CNOT4: variants seen among roughly 807,000 people sequenced by gnomAD.
CNOT4 encodes CCR4-associated factor 4.
A neutral mutation model predicts 73.8 loss-of-function variants in CNOT4; 8 were observed. That is an observed-to-expected ratio of 0.11 (90% CI 0.06 to 0.20). The LOEUF is 0.20. Ranked by LOEUF, CNOT4 falls within the 10% of genes least tolerant of loss-of-function variation. CNOT4 has a pLI of 1.00. For synonymous variants in CNOT4, 293 were observed against 321.1 expected (o/e 0.91, Z 0.94); for missense variants, 564 against 883.4 (o/e 0.64, Z 4.58).
chr7:135,489,972 A>C (rs1017155396), intron 1 of CNOT4, among the ~76,000 whole-genome samples: 2 of 152,236 alleles, frequency 1.3e-5, no homozygotes, highest in African/African-American at 4.8e-5. Flanking sequence ...AAAGAATGTA[A>C]ACAGATAAAA....
rs971690810 is a variant in CNOT4 at position 135,509,965 on chromosome 7, G to A, written c.-169C>T. 5.0e-6 allele frequency: 2 copies of A among 399,110 alleles called. No individual in the cohort carries two copies. Among genetic ancestry groups the A allele is most frequent in the Non-Finnish European group, 8.8e-6 (2 of 226,258 alleles). 24.7% of individuals were successfully genotyped at this position (399,110 alleles called of 1,614,324 possible). A position where few individuals can be genotyped will look rare whatever the true frequency, so the allele number is the denominator to read the frequency against. On this transcript the variant is annotated 5_prime_UTR_variant, in exon 1 of 12. The change creates a new upstream start codon in the 5' untranslated region. Coordinates refer to ENST00000541284, the MANE Select transcript of CNOT4 (RefSeq NM_001190850.2). ...CCTCACAAGAAACCACCGAACGAGC[G>A]TCGGGGAAAAAACTCTTCAGAACCG...
intron 8 of CNOT4, among the ~76,000 whole-genome samples, chr7:135,397,408 A>G (rs1796753612): frequency 6.6e-6 from 1 of 152,200 alleles, no homozygotes; most frequent in Non-Finnish European, 1.5e-5. Flanking sequence ...GGCAACTAAA[A>G]TACACAAGGG....
At chr7:135,374,029 A>G (rs969461220) in intron 10 of CNOT4, among the ~76,000 whole-genome samples, 11 of 152,224 alleles carry the variant, frequency 7.2e-5, no homozygotes, top group Admixed American at 6.5e-4. Context: ...TTTTGACTAG[A>G]ACTCAGCTTG....
intron 1 of CNOT4, among the ~76,000 whole-genome samples, chr7:135,474,975 T>C (rs1282837370): frequency 6.6e-6 from 1 of 152,150 alleles, no homozygotes; most frequent in Non-Finnish European, 1.5e-5. Context: ...TGTGCGCTGT[T>C]TCAACCTTGC....
At chr7:135,388,608 G>GT (rs751310165) in intron 10 of CNOT4, 35 of 1,208,050 alleles carry the variant, frequency 2.9e-5, no homozygotes, top group Non-Finnish European at 3.6e-5. Flanking sequence ...AATAAATTAT[G>GT]TTAAAGGCCT....
chr7:135,474,441 C>T (rs771593445), intron 1 of CNOT4, among the ~76,000 whole-genome samples: 1 of 151,884 alleles, frequency 6.6e-6, no homozygotes, highest in African/African-American at 2.4e-5. Flanking sequence ...GGTGCCACTA[C>T]ATCCAGCTTA....
chr7:135,401,849 G>C (rs887320051), intron 7 of CNOT4, among the ~76,000 whole-genome samples: 1 of 152,138 alleles, frequency 6.6e-6, no homozygotes, highest in Non-Finnish European at 1.5e-5. Context: ...CATGATCTGA[G>C]AGAAAGAGAA....
At chr7:135,384,680 T>G in intron 10 of CNOT4, 1 of 765,330 alleles carries the variant, frequency 1.3e-6, no homozygotes, top group Non-Finnish European at 2.4e-6. Flanking sequence ...TGAGCCTATC[T>G]TCTCTTCAGC....
chr7:135,433,945 C>A (rs1343576295), intron 2 of CNOT4, among the ~76,000 whole-genome samples: 1 of 152,188 alleles, frequency 6.6e-6, no homozygotes, highest in African/African-American at 2.4e-5. Context: ...ACTAAACTCT[C>A]TTGGTTTTTA....
At chr7:135,452,346 G>T (rs1800226882) in intron 1 of CNOT4, among the ~76,000 whole-genome samples, 1 of 152,128 alleles carries the variant, frequency 6.6e-6, no homozygotes, top group South Asian at 2.1e-4. Context: ...AAGGCAGGTG[G>T]ATCACCTGAG....
In CNOT4 at chr7:135,395,807, T is replaced by G; in HGVS notation, c.956A>C (p.Asn319Thr). The G allele has an allele frequency of 6.2e-7, 1 of 1,613,532 alleles. No individual in the cohort carries two copies. The highest frequency in any genetic ancestry group is 8.5e-7 in the Non-Finnish European group (1 of 1,179,452). ...SNPVIPISSSNHSARSPFEGA... is the reference protein window; with the variant it reads ...SNPVIPISSSTHSARSPFEGA... ...TTCAAAAGGGGACCGTGCACTGTGA[T>G]TGGATGAACTGATGGGGATGACTGG... Residue 319 changes from asparagine (N) to threonine (T), a missense_variant, in exon 9 of 12, where the codon AAT becomes ACT. Coordinates refer to ENST00000541284, the MANE Select transcript of CNOT4 (RefSeq NM_001190850.2).
At chr7:135,426,378 G>A (rs1019974951) in intron 2 of CNOT4, among the ~76,000 whole-genome samples, 5 of 152,012 alleles carry the variant, frequency 3.3e-5, no homozygotes, top group African/African-American at 4.8e-5. Context: ...CAAGGCGGGC[G>A]GACCACAAGG....
chr7:135,455,659 G>A (rs1800481081), intron 1 of CNOT4, among the ~76,000 whole-genome samples: 2 of 151,844 alleles, frequency 1.3e-5, no homozygotes, highest in Admixed American at 1.3e-4. Context: ...CAGATTACTT[G>A]AGGCCAGGAG....
rs1297908953 is a variant in CNOT4 at position 135,422,256 on chromosome 7, T to C, written c.272A>G (p.Gln91Arg). 6.3e-7 allele frequency: 1 copy of C among 1,597,156 alleles called. No homozygotes were observed. Among genetic ancestry groups the C allele is most frequent in the African/African-American group, 1.3e-5 (1 of 74,564 alleles). Residue 91 changes from glutamine (Q) to arginine (R), a missense_variant, in exon 3 of 12, where the codon CAG becomes CGG. This residue lies in a region of CNOT4 where 76 missense variants were observed against 208.7 expected (regional missense o/e 0.36). Transcript: ENST00000541284. ...ATGTTTGCGATTTTCTGATATTTTC[T>C]GTTTTCTCTCATTTTGTTTCTGTTT... The part of the protein sequence containing the change: ...EKKQKQNERK[Q>R]KISENRKHLA...
intron 7 of CNOT4, among the ~76,000 whole-genome samples, chr7:135,409,931 A>C (rs1797502225): frequency 6.6e-6 from 1 of 152,114 alleles, no homozygotes. Context: ...GAAGACCATA[A>C]ATTTATTTAA....
At chr7:135,373,254 C>T (rs1795318751) in intron 10 of CNOT4, among the ~76,000 whole-genome samples, 1 of 152,186 alleles carries the variant, frequency 6.6e-6, no homozygotes, top group South Asian at 2.1e-4. Context: ...CACTGCTCAG[C>T]CTGATGCCAT....
chr7:135,452,946 A>G (rs1800269347), intron 1 of CNOT4, among the ~76,000 whole-genome samples: 1 of 152,230 alleles, frequency 6.6e-6, no homozygotes. Context: ...ATAATTCTCT[A>G]CCACACTTGT....
At chr7:135,402,939 AC>A (rs536985247) in intron 7 of CNOT4, among the ~76,000 whole-genome samples, 56 of 152,158 alleles carry the variant, frequency 3.7e-4, no homozygotes, top group Non-Finnish European at 6.9e-4. Flanking sequence ...TGCAACATAA[AC>A]CAATTACATA....
intron 1 of CNOT4, among the ~76,000 whole-genome samples, chr7:135,464,209 T>C (rs1463213502): frequency 2.0e-5 from 3 of 152,106 alleles, no homozygotes; most frequent in Non-Finnish European, 4.4e-5. Context: ...GGAATATAAA[T>C]CATTCTACCA....
Sources: gnomAD v4.1 joint callset for allele counts (sites outside exome capture counted in the v4.1 genomes callset) on GRCh38, gnomAD v4.1.1 for gene constraint, gnomAD v4.1.1 regional missense constraint, MANE v1.5 for transcripts, NCBI Gene and HGNC (gene_info 2026-07-23, HGNC 2026-07-21) for gene names.